The following FYN variants were observed in gnomAD, a reference collection of about 807,000 sequenced individuals.
The protein encoded by FYN is FYN proto-oncogene, Src family tyrosine kinase.
FYN carries 10 observed loss-of-function variants against 70.2 expected under a neutral mutation model. The observed-to-expected ratio is 0.14, with a 90% CI of 0.09 to 0.24. FYN has a LOEUF of 0.24. FYN is among the 10% of genes least tolerant of loss of function. The pLI is 1.00. For missense variants in FYN, 319 were observed against 673.1 expected (o/e 0.47, Z 5.82); for synonymous variants, 236 against 248.6 (o/e 0.95, Z 0.48).
intron 2 of FYN, among the ~76,000 whole-genome samples, chr6:111,827,557 C>T (rs1219900153): frequency 1.3e-5 from 2 of 152,138 alleles, no homozygotes; most frequent in Non-Finnish European, 2.9e-5. Context: ...GCTTCCTGAG[C>T]TGGTCCTGGA....
chr6:111,842,254 C>A (rs989427100), intron 2 of FYN, among the ~76,000 whole-genome samples: 2 of 152,162 alleles, frequency 1.3e-5, no homozygotes, highest in African/African-American at 4.8e-5. Flanking sequence ...AGGCTGGCAG[C>A]CTGTAGTACA....
chr6:111,816,038 G>A (rs1024350165), intron 2 of FYN, among the ~76,000 whole-genome samples: 7 of 152,080 alleles, frequency 4.6e-5, no homozygotes, highest in Admixed American at 3.9e-4. Context: ...TTCACTTGTG[G>A]CCAGAAAATA....
chr6:111,735,372 C>T (rs991936327), intron 3 of FYN, among the ~76,000 whole-genome samples: 2 of 152,172 alleles, frequency 1.3e-5, no homozygotes, highest in African/African-American at 2.4e-5. Flanking sequence ...TGAGCCCTCA[C>T]TATGGTGCCT....
chr6:111,749,182 T>G lies in FYN; in HGVS notation c.-11-29120A>C, dbSNP rs528318352. ...TCTGTGGCAAATTCCTTAGGGCAGGTAAATCATGAGTGAAGGTGAACTTTA... is the reference window on the plus strand; with the variant it reads ...TCTGTGGCAAATTCCTTAGGGCAGGGAAATCATGAGTGAAGGTGAACTTTA... On this transcript the variant is annotated intron_variant, in intron 3 of 13. Coordinates refer to ENST00000354650, the MANE Select transcript of FYN (RefSeq NM_002037.5). Among the ~76,000 whole-genome samples the G allele has an allele frequency of 2.6e-5, 4 of 152,282 alleles. No homozygotes were observed. The South Asian group carries it at 8.3e-4, about 32-fold the overall frequency.
At chr6:111,669,126 G>C (rs1047718793) in intron 13 of FYN, among the ~76,000 whole-genome samples, 1 of 152,144 alleles carries the variant, frequency 6.6e-6, no homozygotes, top group African/African-American at 2.4e-5. Context: ...GAATGAATAA[G>C]TGTGGTTTGC....
rs568051014 is a variant in FYN at position 111,741,837 on chromosome 6, G to A, written c.-11-21775C>T. On this transcript the variant is annotated intron_variant, in intron 3 of 13. Transcript: ENST00000354650. Reference sequence around the variant, plus strand: ...GCCTCCCCCTGAGAATTTCTGATGCGGTTGGTCTGAAGCAACATCAAGCCT... The same window carrying A: ...GCCTCCCCCTGAGAATTTCTGATGCAGTTGGTCTGAAGCAACATCAAGCCT... Among the ~76,000 whole-genome samples, 20 of 152,294 alleles carry A rather than the reference G, an allele frequency of 1.3e-4. No individual in the cohort carries two copies. In the South Asian group the frequency reaches 3.3e-3, roughly 25 times the overall value.
At chr6:111,695,916 C>T (rs1482874114) in intron 10 of FYN, among the ~76,000 whole-genome samples, 1 of 151,950 alleles carries the variant, frequency 6.6e-6, no homozygotes, top group East Asian at 1.9e-4. Flanking sequence ...ATTGTTTAGC[C>T]CTGCAAAAAG....
At chr6:111,699,929 T>A (rs940223890) in intron 9 of FYN, 175 bp downstream of exon 9, 1 of 520,612 alleles carries the variant, frequency 1.9e-6, no homozygotes, top group African/African-American at 1.9e-5. Flanking sequence ...TTTTTTTTTT[T>A]TTTTTTTTTA....
intron 2 of FYN, among the ~76,000 whole-genome samples, chr6:111,782,806 A>G (rs1244381466): frequency 6.6e-6 from 1 of 152,182 alleles, no homozygotes; most frequent in African/African-American, 2.4e-5. Context: ...GAGGCCAGGT[A>G]CAGTTGCTCT....
chr6:111,801,960 C>G lies in FYN; in HGVS notation c.-81-21325G>C, dbSNP rs149110123. On this transcript the variant is annotated intron_variant, in intron 2 of 13. Transcript: ENST00000354650. ...GATGACAATGAAGGGAATAGAGAAG[C>G]ACCAGACACCATCTCAGCATTCAAA... Among the ~76,000 whole-genome samples, 37 of 152,340 alleles carry G rather than the reference C, an allele frequency of 2.4e-4. No homozygotes were observed. The East Asian group carries it at 6.2e-3, about 25-fold the overall frequency.
At chr6:111,812,058 T>G (rs764718132) in intron 2 of FYN, among the ~76,000 whole-genome samples, 13 of 152,200 alleles carry the variant, frequency 8.5e-5, no homozygotes, top group Non-Finnish European at 1.3e-4. Flanking sequence ...TACATGGAAC[T>G]GTAGGGAACT....
At chr6:111,823,420 C>T (rs989148474) in intron 2 of FYN, among the ~76,000 whole-genome samples, 1 of 152,190 alleles carries the variant, frequency 6.6e-6, no homozygotes, top group Non-Finnish European at 1.5e-5. Flanking sequence ...TTAGAAAACA[C>T]TGGACTAGAC....
intron 13 of FYN, among the ~76,000 whole-genome samples, chr6:111,666,162 A>G (rs942970179): frequency 1.5e-4 from 23 of 151,992 alleles, no homozygotes; most frequent in African/African-American, 5.6e-4. Flanking sequence ...TTCTTAACAG[A>G]AAGAAGAGAC....
intron 12 of FYN, among the ~76,000 whole-genome samples, chr6:111,677,270 T>G (rs1001504032): frequency 4.6e-5 from 7 of 152,236 alleles, no homozygotes; most frequent in Admixed American, 1.3e-4. Context: ...AGCTTCTTTA[T>G]AGATAACTCA....
intron 2 of FYN, among the ~76,000 whole-genome samples, chr6:111,821,811 T>C (rs1583470818): frequency 6.6e-6 from 1 of 151,438 alleles, no homozygotes; most frequent in Non-Finnish European, 1.5e-5. Context: ...CATCAACAAG[T>C]GGGCGAAGGA....
intron 2 of FYN, among the ~76,000 whole-genome samples, chr6:111,845,514 G>A (rs1234629198): frequency 6.6e-6 from 1 of 152,178 alleles, no homozygotes. Context: ...CAAAGGTCAG[G>A]AGTTACTCAC....
chr6:111,830,696 G>A (rs1772988846), intron 2 of FYN, among the ~76,000 whole-genome samples: 1 of 152,040 alleles, frequency 6.6e-6, no homozygotes, highest in African/African-American at 2.4e-5. Context: ...TGTTCCAAGG[G>A]AACTGTCTAT....
chr6:111,799,589 T>C (rs1434127172), intron 2 of FYN, among the ~76,000 whole-genome samples: 1 of 152,208 alleles, frequency 6.6e-6, no homozygotes, highest in Non-Finnish European at 1.5e-5. Flanking sequence ...TCCGTCTCCT[T>C]GTGGTCCTTT....
chr6:111,824,848 G>T (rs1283187684), intron 2 of FYN, among the ~76,000 whole-genome samples: 2 of 152,130 alleles, frequency 1.3e-5, no homozygotes, highest in African/African-American at 4.8e-5. Flanking sequence ...TACTCCTAAG[G>T]TTATCTGAAT....
Sources: allele counts gnomAD v4.1 joint callset (sites outside exome capture counted in the v4.1 genomes callset), GRCh38; gene constraint gnomAD v4.1.1; transcripts MANE v1.5; gene names NCBI Gene and HGNC (gene_info 2026-07-23, HGNC 2026-07-21).